Variants in ZNF804B observed in about 807,000 individuals in gnomAD.
ZNF804B encodes zinc finger protein 804B, also known as zinc finger 804B.
Under a neutral mutation model 101.4 loss-of-function variants are expected in ZNF804B, and 80 were observed. That is an observed-to-expected ratio of 0.79 (90% CI 0.66 to 0.95). ZNF804B has a LOEUF of 0.95. Ranked by LOEUF, ZNF804B falls within the 40% of genes least tolerant of loss-of-function variation. The pLI, the probability that ZNF804B is intolerant of heterozygous loss-of-function variation, is 0.00. For synonymous variants in ZNF804B, 622 were observed against 558.8 expected (o/e 1.11, Z -1.59); for missense variants, 1,673 against 1,561.9 (o/e 1.07, Z -1.20).
intron 1 of ZNF804B, among the ~76,000 whole-genome samples, chr7:88,868,316 A>G (rs1406435306): frequency 1.3e-5 from 2 of 152,062 alleles, no homozygotes; most frequent in Non-Finnish European, 2.9e-5. Context: ...TCATGAACCA[A>G]CTGGGCTATG....
chr7:89,288,601 A>G (rs1180998058), intron 2 of ZNF804B, among the ~76,000 whole-genome samples: 1 of 152,222 alleles, frequency 6.6e-6, no homozygotes, highest in African/African-American at 2.4e-5. Context: ...CATCTTTAAA[A>G]TGTTGAAAGA....
intron 1 of ZNF804B, among the ~76,000 whole-genome samples, chr7:89,063,030 C>T (rs1025371134): frequency 6.6e-6 from 1 of 152,020 alleles, no homozygotes; most frequent in African/African-American, 2.4e-5. Context: ...AATAGTAATA[C>T]TTTATTTCAT....
At chr7:89,103,334 G>T (rs1270800790) in intron 1 of ZNF804B, among the ~76,000 whole-genome samples, 2 of 150,918 alleles carry the variant, frequency 1.3e-5, no homozygotes, top group African/African-American at 4.9e-5. Flanking sequence ...TTATTTTAAT[G>T]ATATTGATTC....
intron 1 of ZNF804B, among the ~76,000 whole-genome samples, chr7:88,867,455 G>C (rs1367740545): frequency 6.6e-6 from 1 of 152,166 alleles, no homozygotes; most frequent in Non-Finnish European, 1.5e-5. Context: ...CCAAGAAAGA[G>C]TAAACAAATT....
At chr7:89,198,407 A>G (rs1788585882) in intron 1 of ZNF804B, among the ~76,000 whole-genome samples, 1 of 151,962 alleles carries the variant, frequency 6.6e-6, no homozygotes. Flanking sequence ...TATGTTTACA[A>G]TAATATTAAT....
At chr7:88,888,405 T>C (rs1346060370) in intron 1 of ZNF804B, among the ~76,000 whole-genome samples, 1 of 152,040 alleles carries the variant, frequency 6.6e-6, no homozygotes, top group Non-Finnish European at 1.5e-5. Flanking sequence ...AATATATATA[T>C]ATTAGTTTTA....
At chr7:89,075,207 T>C (rs1045777635) in intron 1 of ZNF804B, among the ~76,000 whole-genome samples, 15 of 152,136 alleles carry the variant, frequency 9.9e-5, no homozygotes, top group Non-Finnish European at 2.1e-4. Context: ...AGGAGCCAAA[T>C]GTTAATCCCC....
At chr7:88,794,828 G>C in intron 1 of ZNF804B, 2 of 1,613,686 alleles carry the variant, frequency 1.2e-6, no homozygotes, top group East Asian at 2.2e-5. Flanking sequence ...AGGTGTAGTC[G>C]TTGTTTCTCT....
At chr7:88,962,097 A>G (rs910398006) in intron 1 of ZNF804B, among the ~76,000 whole-genome samples, 1 of 151,270 alleles carries the variant, frequency 6.6e-6, no homozygotes, top group Non-Finnish European at 1.5e-5. Context: ...CGACTGCAAT[A>G]TCTTTAATTG....
chr7:88,772,484 G>A (rs1369840702), intron 1 of ZNF804B, among the ~76,000 whole-genome samples: 4 of 152,118 alleles, frequency 2.6e-5, no homozygotes, highest in Non-Finnish European at 2.9e-5. Context: ...ATGATAATTG[G>A]CCTAAAATAT....
At chr7:89,256,523 C>T (rs913202915) in intron 2 of ZNF804B, among the ~76,000 whole-genome samples, 3 of 120,724 alleles carry the variant, frequency 2.5e-5, no homozygotes, top group Admixed American at 8.6e-5. Context: ...CCAGCCTAGG[C>T]AACAGAGCAA....
chr7:88,805,156 A>G (rs1441693159), intron 1 of ZNF804B, among the ~76,000 whole-genome samples: 2 of 152,162 alleles, frequency 1.3e-5, no homozygotes, highest in Non-Finnish European at 2.9e-5. Context: ...TTTAATGGTG[A>G]CTAGTTTTGG....
At chr7:89,172,753 C>A (rs944174163) in intron 1 of ZNF804B, among the ~76,000 whole-genome samples, 1 of 152,124 alleles carries the variant, frequency 6.6e-6, no homozygotes, top group African/African-American at 2.4e-5. Flanking sequence ...TCATTTGAAT[C>A]TTCGTTTTCT....
At position 89,335,729 on chromosome 7, in the gene ZNF804B, CAGA is replaced by C. The variant is rs1468367912; in HGVS notation, c.2750_2752del (p.Glu917del). The C allele has an allele frequency of 2.5e-6, 4 of 1,613,862 alleles. No individual in the cohort carries two copies. The highest frequency in any genetic ancestry group is 1.1e-5 in the South Asian group (1 of 91,086). The stretch of plus-strand genomic sequence containing the variant: ...TCAGAAACCACAGAATCAAACACTG[CAGA>C]AGGAGAGAGGACCCCTCTAACAGCA... On this transcript the variant is annotated inframe_deletion, in exon 4 of 4. Coordinates refer to ENST00000333190, the MANE Select transcript of ZNF804B (RefSeq NM_181646.5).
chr7:89,305,251 C>T (rs758219504), intron 2 of ZNF804B, among the ~76,000 whole-genome samples: 2 of 151,898 alleles, frequency 1.3e-5, no homozygotes, highest in African/African-American at 2.4e-5. Context: ...TTTTGATACA[C>T]GTTAAGGAGA....
intron 1 of ZNF804B, among the ~76,000 whole-genome samples, chr7:89,171,346 C>CTTT (rs1791227792): frequency 1.5e-5 from 2 of 132,622 alleles, no homozygotes; most frequent in African/African-American, 5.7e-5. Context: ...TCTTCTTCTT[C>CTTT]TTCTTCTTCT....
chr7:89,317,308 G>T (rs1166592839), intron 2 of ZNF804B, among the ~76,000 whole-genome samples: 1 of 152,178 alleles, frequency 6.6e-6, no homozygotes, highest in East Asian at 1.9e-4. Flanking sequence ...TAAGTGAAGG[G>T]GTGGAAAACA....
At chr7:88,837,393 T>A (rs898259878) in intron 1 of ZNF804B, among the ~76,000 whole-genome samples, 2 of 151,976 alleles carry the variant, frequency 1.3e-5, no homozygotes, top group African/African-American at 4.8e-5. Flanking sequence ...ACTTAGATTT[T>A]TCTGATAAGG....
intron 2 of ZNF804B, among the ~76,000 whole-genome samples, chr7:89,237,187 C>A (rs538612807): frequency 3.3e-5 from 5 of 152,016 alleles, no homozygotes; most frequent in African/African-American, 9.6e-5. Context: ...ACATTTATAG[C>A]TTGATGTTTT....
Sources: gnomAD v4.1 joint callset for allele counts (sites outside exome capture counted in the v4.1 genomes callset) on GRCh38, gnomAD v4.1.1 for gene constraint, MANE v1.5 for transcripts, NCBI Gene and HGNC (gene_info 2026-07-23, HGNC 2026-07-21) for gene names.